MAPK10: variants seen among roughly 807,000 people sequenced by gnomAD.
MAPK10 encodes the protein JNK3 alpha protein kinase.
Under a neutral mutation model 59.3 loss-of-function variants are expected in MAPK10, and 25 were observed. The ratio of observed to expected loss-of-function variants is 0.42; its 90% CI spans 0.31 to 0.59. The LOEUF (loss-of-function observed/expected upper bound fraction) is 0.59. Ranked by LOEUF, MAPK10 falls within the 20% of genes least tolerant of loss-of-function variation. The pLI is 0.15. For synonymous variants in MAPK10, 190 were observed against 200.5 expected, an observed-to-expected ratio of 0.95 and a Z score of 0.44; for missense variants, 351 against 568.9, an observed-to-expected ratio of 0.62 and a Z score of 3.90.
chr4:86,296,222 T>G (rs539389761), intron 2 of MAPK10, among the ~76,000 whole-genome samples: 15 of 151,900 alleles, frequency 9.9e-5, no homozygotes, highest in Non-Finnish European at 2.1e-4. Context: ...AATGCAAACT[T>G]TTTTTTGTTT....
rs1290451034 is a variant in MAPK10 at position 86,101,060 on chromosome 4, T to C, written c.722A>G (p.Lys241Arg). The C allele has an allele frequency of 6.2e-7, 1 of 1,613,734 alleles. No individual in the cohort carries two copies. Among genetic ancestry groups the C allele is most frequent in the Non-Finnish European group, 8.5e-7 (1 of 1,179,784 alleles). The change falls in exon 8 of 14, where the codon AAG (lysine) becomes AGG (arginine). Residue 241 changes from lysine to arginine, a missense_variant. By Grantham distance (26) the Lys-to-Arg change is conservative. Coordinates refer to ENST00000641462, the MANE Select transcript of MAPK10 (RefSeq NM_138982.4). ...APEVILGMGY[K>R]ENVDIWSVGC... ...TCCCGAAGCATCCCTACCGTTCTCC[T>C]TGTAGCCCATCCCCAGGATGACCTC... is the stretch of plus-strand genomic sequence containing the variant.
At chr4:86,191,361 T>A (rs981591020) in intron 3 of MAPK10, among the ~76,000 whole-genome samples, 36 of 152,086 alleles carry the variant, frequency 2.4e-4, no homozygotes, top group Non-Finnish European at 2.9e-5. Context: ...ATTCTCCCAC[T>A]ATTATTGTGT....
intron 2 of MAPK10, among the ~76,000 whole-genome samples, chr4:86,320,888 G>A (rs978318529): frequency 7.9e-5 from 12 of 151,818 alleles, no homozygotes; most frequent in Admixed American, 2.0e-4. Context: ...AAATTTACAA[G>A]AAAAAAACAA....
At chr4:86,200,758 C>T (rs897614545) in intron 2 of MAPK10, among the ~76,000 whole-genome samples, 3 of 151,734 alleles carry the variant, frequency 2.0e-5, no homozygotes, top group African/African-American at 7.3e-5. Flanking sequence ...TTATGGGGTA[C>T]ATGTGAAATT....
chr4:86,330,449 A>C (rs540746014), intron 2 of MAPK10, among the ~76,000 whole-genome samples: 8 of 152,244 alleles, frequency 5.3e-5, no homozygotes, highest in Middle Eastern at 3.4e-3. Flanking sequence ...ATCTCATCTC[A>C]AACTGTATTT....
chr4:86,078,459 G>A (rs2049954624), intron 9 of MAPK10, among the ~76,000 whole-genome samples: 2 of 152,010 alleles, frequency 1.3e-5, no homozygotes, highest in South Asian at 4.1e-4. Flanking sequence ...CATCATCTGT[G>A]GGAGAACTGA....
At position 86,101,127 on chromosome 4, in the gene MAPK10, T is replaced by C. The variant is rs1308820999; in HGVS notation, c.655A>G (p.Met219Val). 1 of 1,613,922 alleles carries C rather than the reference T, an allele frequency of 6.2e-7. No homozygotes were observed. The highest frequency in any genetic ancestry group is 8.5e-7 in the Non-Finnish European group (1 of 1,179,928). ...CGTGTCACCACATATGGAGTCATCA[T>C]GAAGCTTGTGCCTGCTGTCCTGGCC... The part of the protein sequence containing the change: ...GLARTAGTSF[M>V]MTPYVVTRYY... Residue 219 changes from methionine (M) to valine (V), a missense_variant, in exon 8 of 14, where the codon ATG becomes GTG. Physicochemically the swap from Met to Val is conservative, Grantham distance 21 (BLOSUM62 1). Around this residue, in one of 5 missense-constraint regions of MAPK10, gnomAD observed 76 missense variants for 197.9 expected, o/e 0.38. Coordinates refer to ENST00000641462, the MANE Select transcript of MAPK10 (RefSeq NM_138982.4).
At chr4:86,454,275 C>G (rs1252743301), upstream of MAPK10, among the ~76,000 whole-genome samples, 3 of 152,222 alleles carry the variant, frequency 2.0e-5, no homozygotes, top group Non-Finnish European at 4.4e-5. Flanking sequence ...AATCCCTGAT[C>G]TACCTGAAAA....
intron 2 of MAPK10, among the ~76,000 whole-genome samples, chr4:86,261,434 T>C (rs973499211): frequency 1.3e-5 from 2 of 152,222 alleles, no homozygotes; most frequent in Non-Finnish European, 2.9e-5. Flanking sequence ...TAGTTCTGTT[T>C]GATCCAACAA....
At chr4:86,368,047 T>C (rs909528329) in intron 1 of MAPK10, among the ~76,000 whole-genome samples, 1 of 152,208 alleles carries the variant, frequency 6.6e-6, no homozygotes, top group African/African-American at 2.4e-5. Context: ...GCTGTTGGAA[T>C]GGGAAACACA....
chr4:86,026,324 A>T (rs570063434), intron 13 of MAPK10: 23 of 152,356 alleles, frequency 1.5e-4, no homozygotes, highest in African/African-American at 5.5e-4. Flanking sequence ...AATTAATTTC[A>T]ATTCATGGAC....
At chr4:86,445,099 G>A (rs1749881134) in intron 1 of MAPK10, among the ~76,000 whole-genome samples, 1 of 152,070 alleles carries the variant, frequency 6.6e-6, no homozygotes, top group Non-Finnish European at 1.5e-5. Flanking sequence ...AAATCATTCA[G>A]TTACAAAGAT....
chr4:86,215,167 A>G (rs192193032), intron 2 of MAPK10, among the ~76,000 whole-genome samples: 126 of 152,350 alleles, frequency 8.3e-4, no homozygotes, highest in African/African-American at 2.7e-3. Flanking sequence ...GTGAAAGGAC[A>G]GTCTTTTCAA....
At chr4:86,281,836 T>C (rs75600874) in intron 2 of MAPK10, among the ~76,000 whole-genome samples, 4 of 152,120 alleles carry the variant, frequency 2.6e-5, no homozygotes, top group Middle Eastern at 3.2e-3. Context: ...AATACAACTA[T>C]TGATTGGACT....
intron 13 of MAPK10, among the ~76,000 whole-genome samples, chr4:86,019,626 A>C (rs941874880): frequency 6.6e-6 from 1 of 152,154 alleles, no homozygotes; most frequent in Non-Finnish European, 1.5e-5. Flanking sequence ...TCTGGATTAA[A>C]TTATACCAAT....
chr4:86,179,156 C>T (rs796307822), intron 3 of MAPK10, among the ~76,000 whole-genome samples: 25 of 151,956 alleles, frequency 1.6e-4, no homozygotes, highest in African/African-American at 4.3e-4. Context: ...GAGCCAAGAT[C>T]GTACCACTGC....
At chr4:86,231,858 T>C (rs1182262533) in intron 2 of MAPK10, among the ~76,000 whole-genome samples, 1 of 152,178 alleles carries the variant, frequency 6.6e-6, no homozygotes, top group Non-Finnish European at 1.5e-5. Context: ...TATTCCAACA[T>C]GGCAACAGTA....
chr4:86,548,149 A>G (rs909287895), intron 1 of MAPK10, among the ~76,000 whole-genome samples: 1 of 152,082 alleles, frequency 6.6e-6, no homozygotes, highest in Non-Finnish European at 1.5e-5. Context: ...ACTCACCGCG[A>G]AGGTCTGCAG....
At chr4:86,122,464 A>C (rs991950736) in intron 4 of MAPK10, among the ~76,000 whole-genome samples, 3 of 152,068 alleles carry the variant, frequency 2.0e-5, no homozygotes, top group Admixed American at 6.6e-5. Context: ...TGTCTTCAGG[A>C]TCATATTGGT....
Sources: gnomAD v4.1 joint callset for allele counts (sites outside exome capture counted in the v4.1 genomes callset) on GRCh38, gnomAD v4.1.1 for gene constraint, gnomAD v4.1.1 regional missense constraint, MANE v1.5 for transcripts, NCBI Gene and HGNC (gene_info 2026-07-23, HGNC 2026-07-21) for gene names.